The following ELMOD1 variants were observed in gnomAD, a reference collection of about 807,000 sequenced individuals.
ELMOD1 encodes the protein ELMO domain containing 1.
ELMOD1 carries 21 observed loss-of-function variants against 46.7 expected under a neutral mutation model. The ratio of observed to expected loss-of-function variants is 0.45; its 90% CI spans 0.32 to 0.65. The LOEUF (loss-of-function observed/expected upper bound fraction) is 0.65, where lower values mean the gene tolerates loss of function less well. Ranked by LOEUF, ELMOD1 falls within the 30% of genes least tolerant of loss-of-function variation. ELMOD1 has a pLI of 0.04. For synonymous variants in ELMOD1, 122 were observed against 138.2 expected (o/e 0.88, Z 0.82); for missense variants, 348 against 407.8 (o/e 0.85, Z 1.26).
At chr11:107,610,360 A>T (rs972801734) in intron 1 of ELMOD1, among the ~76,000 whole-genome samples, 14 of 152,316 alleles carry the variant, frequency 9.2e-5, no homozygotes, top group African/African-American at 3.4e-4. Context: ...GTAAAGCTGA[A>T]TTACACAAAT....
At chr11:107,603,358 G>A (rs1235856489) in intron 1 of ELMOD1, among the ~76,000 whole-genome samples, 5 of 152,190 alleles carry the variant, frequency 3.3e-5, no homozygotes, top group Admixed American at 2.6e-4. Context: ...GGCCAACATG[G>A]CAAAACCACA....
chr11:107,611,704 CAAAAAA>C (rs71470853), intron 1 of ELMOD1, among the ~76,000 whole-genome samples: 1 of 55,792 alleles, frequency 1.8e-5, no homozygotes, highest in Non-Finnish European at 3.2e-5. Context: ...GACTCCATCT[CAAAAAA>C]AAAAAAAAAA....
At chr11:107,628,628 G>A (rs1433540246) in intron 2 of ELMOD1, among the ~76,000 whole-genome samples, 5 of 151,196 alleles carry the variant, frequency 3.3e-5, no homozygotes, top group African/African-American at 1.2e-4. Context: ...TAGAACAGTT[G>A]AATGAACAGT....
chr11:107,592,088 A>C (rs1374423670), intron 1 of ELMOD1: 1 of 403,630 alleles, frequency 2.5e-6, no homozygotes, highest in Admixed American at 3.2e-5. Flanking sequence ...TGGTGGGGTG[A>C]GCTGTTGTGG....
chr11:107,636,111 G>A (rs11212306), intron 6 of ELMOD1, among the ~76,000 whole-genome samples: 8,205 of 152,234 alleles, frequency 0.054, 251 homozygotes, highest in South Asian at 0.082. Flanking sequence ...GAGTGACTTG[G>A]GATTCCCATT....
At chr11:107,597,771 G>A (rs1350345859) in intron 1 of ELMOD1, among the ~76,000 whole-genome samples, 2 of 152,054 alleles carry the variant, frequency 1.3e-5, no homozygotes, top group Non-Finnish European at 2.9e-5. Context: ...CTAAAAATAG[G>A]TGCATCTGCT....
intron 2 of ELMOD1, among the ~76,000 whole-genome samples, chr11:107,619,672 C>A (rs569354687): frequency 1.3e-5 from 2 of 152,266 alleles, no homozygotes; most frequent in East Asian, 3.9e-4. Context: ...GCCTTTGGTT[C>A]TGTTAGTTTT....
At chr11:107,615,871 G>T (rs1032286360) in intron 1 of ELMOD1, among the ~76,000 whole-genome samples, 9 of 151,844 alleles carry the variant, frequency 5.9e-5, no homozygotes, top group African/African-American at 1.9e-4. Flanking sequence ...ATGTTTGGGG[G>T]AGTAAAGTGC....
chr11:107,594,833 A>C (rs934178898), intron 1 of ELMOD1, among the ~76,000 whole-genome samples: 3 of 152,214 alleles, frequency 2.0e-5, no homozygotes, highest in Admixed American at 6.5e-5. Flanking sequence ...CTAGATTCTG[A>C]TGATGGAAAG....
intron 6 of ELMOD1, among the ~76,000 whole-genome samples, chr11:107,640,214 A>G (rs1279827421): frequency 6.6e-6 from 1 of 152,198 alleles, no homozygotes; most frequent in Non-Finnish European, 1.5e-5. Context: ...TGTACTTCAT[A>G]TAAGTATTTT....
chr11:107,622,598 A>G (rs554674645), intron 2 of ELMOD1, among the ~76,000 whole-genome samples: 6 of 152,398 alleles, frequency 3.9e-5, no homozygotes, highest in African/African-American at 1.4e-4. Flanking sequence ...CCAAAGTCAC[A>G]TAGTTCATTG....
intron 2 of ELMOD1, among the ~76,000 whole-genome samples, chr11:107,628,162 TTTTTG>T (rs142600860): frequency 0.04 from 6,002 of 150,440 alleles, 124 homozygotes; most frequent in South Asian, 0.069. Flanking sequence ...CTGAGGGGTT[TTTTTG>T]TTTTGTTTTG....
At chr11:107,592,267 C>T in intron 1 of ELMOD1, 1 of 507,924 alleles carries the variant, frequency 2.0e-6, no homozygotes, top group Non-Finnish European at 4.0e-6. Flanking sequence ...AGCCTTTCTG[C>T]TCTGCACAGT....
intron 1 of ELMOD1, among the ~76,000 whole-genome samples, chr11:107,595,145 A>G (rs1401730732): frequency 1.6e-5 from 2 of 121,324 alleles, no homozygotes; most frequent in Non-Finnish European, 3.2e-5. Context: ...CCTTCTGTCA[A>G]TAAATCTGTT....
chr11:107,601,653 C>T (rs915405337), intron 1 of ELMOD1, among the ~76,000 whole-genome samples: 9 of 151,782 alleles, frequency 5.9e-5, no homozygotes, highest in African/African-American at 1.9e-4. Flanking sequence ...TGGGCTCAAA[C>T]GATCCACCTG....
intron 1 of ELMOD1, among the ~76,000 whole-genome samples, chr11:107,605,789 G>A (rs1321293174): frequency 6.6e-6 from 1 of 152,212 alleles, no homozygotes; most frequent in African/African-American, 2.4e-5. Context: ...ACTGGGAGAG[G>A]AAAGGAAAAT....
Position 107,619,857 on chromosome 11 carries a change from T to G in ELMOD1, c.17+1651T>G, listed in dbSNP as rs1257178593. ...TGTTCTGATAAACATTTTTTTCATG[T>G]ATCTTGGAGTGTATATTTTATAAAT... On this transcript the variant is annotated intron_variant, in intron 2 of 11. Coordinates refer to ENST00000265840, the MANE Select transcript of ELMOD1 (RefSeq NM_018712.4). Among the ~76,000 whole-genome samples, 3 of 152,270 alleles carry G rather than the reference T, an allele frequency of 2.0e-5. No individual in the cohort carries two copies. The East Asian group carries it at 5.8e-4, about 29-fold the overall frequency.
intron 6 of ELMOD1, among the ~76,000 whole-genome samples, chr11:107,641,939 CTTTT>C (rs34475862): frequency 4.0e-5 from 4 of 100,474 alleles, no homozygotes; most frequent in African/African-American, 7.9e-5. Flanking sequence ...TGAGCTTACT[CTTTT>C]TTTTTTTTTT....
At chr11:107,614,790 C>T (rs1306021904) in intron 1 of ELMOD1, among the ~76,000 whole-genome samples, 1 of 152,162 alleles carries the variant, frequency 6.6e-6, no homozygotes, top group East Asian at 1.9e-4. Flanking sequence ...CCTTATCTTG[C>T]CATCACTATT....
Sources: allele counts gnomAD v4.1 joint callset (sites outside exome capture counted in the v4.1 genomes callset), GRCh38; gene constraint gnomAD v4.1.1; transcripts MANE v1.5; gene names NCBI Gene and HGNC (gene_info 2026-07-23, HGNC 2026-07-21).